The following PCGF3 variants were observed in gnomAD, a reference collection of about 807,000 sequenced individuals.
PCGF3 encodes polycomb group RING finger protein 3.
In PCGF3, 7 loss-of-function variants were observed where a neutral mutation model predicts 33.1. The ratio of observed to expected loss-of-function variants is 0.21; its 90% CI spans 0.12 to 0.40. The LOEUF is 0.40. Ranked by LOEUF, PCGF3 falls within the 10% of genes least tolerant of loss-of-function variation. The pLI is 1.00. For missense variants in PCGF3, 211 were observed against 313.3 expected, an observed-to-expected ratio of 0.67 and a Z score of 2.46; for synonymous variants, 153 against 121.3, an observed-to-expected ratio of 1.26 and a Z score of -1.72.
At chr4:751,740 C>CT (rs771877405) in intron 8 of PCGF3, among the ~76,000 whole-genome samples, 1 of 152,252 alleles carries the variant, frequency 6.6e-6, no homozygotes, top group Non-Finnish European at 1.5e-5. Flanking sequence ...GTGCCTGTGC[C>CT]TGGAGGCTCT....
Position 736,583 on chromosome 4 carries a change from G to A in PCGF3, c.207-883G>A, listed in dbSNP as rs549820801. Among the ~76,000 whole-genome samples the A allele has an allele frequency of 6.5e-4, 74 of 112,984 alleles. 8 individuals are homozygous for A. Among genetic ancestry groups the A allele is most frequent in the Non-Finnish European group, 1.3e-3 (71 of 53,206 alleles). 74.1% of individuals were successfully genotyped at this position (112,984 alleles called of 152,430 possible). ...GGGACGGTGTCCCCTGAGCGCACAG[G>A]ATGCAGGGAACCTGGGGTGTCCGCA... On this transcript the variant is annotated intron_variant, in intron 5 of 10. Coordinates refer to ENST00000362003, the Ensembl canonical transcript of PCGF3.
intron 6 of PCGF3, among the ~76,000 whole-genome samples, chr4:740,429 A>G (rs1408779081): frequency 6.6e-6 from 1 of 152,088 alleles, no homozygotes; most frequent in Admixed American, 6.5e-5. Flanking sequence ...AACATTTATC[A>G]AAGTGTCCAT....
intron 1 of PCGF3, among the ~76,000 whole-genome samples, chr4:716,405 A>C (rs1742840405): frequency 1.6e-5 from 2 of 126,982 alleles, no homozygotes; most frequent in Non-Finnish European, 3.3e-5. Flanking sequence ...CGGTGCTGGG[A>C]CCCTGTAGAC....
chr4:763,510 C>T (rs372460057), intron 9 of PCGF3, among the ~76,000 whole-genome samples: 12 of 152,214 alleles, frequency 7.9e-5, no homozygotes, highest in East Asian at 3.9e-4. Flanking sequence ...ATCAGGGAAA[C>T]GCAAGGAAAA....
In PCGF3 at chr4:721,207, T is replaced by A. The variant is rs1198096344; in HGVS notation, c.-189-9423T>A. Among the ~76,000 whole-genome samples, 1 of 152,106 alleles carries A rather than the reference T, an allele frequency of 6.6e-6. No individual in the cohort carries two copies. The highest frequency in any genetic ancestry group is 1.9e-4 in the East Asian group (1 of 5,186). ...CAGTGCGGGCCCTGATTCTCATGGTTCCCCAGTGAGGCTGTTCCACGGTGG... is the reference window on the plus strand; with the variant it reads ...CAGTGCGGGCCCTGATTCTCATGGTACCCCAGTGAGGCTGTTCCACGGTGG... On this transcript the variant is annotated intron_variant, in intron 1 of 10. Coordinates refer to ENST00000362003, the Ensembl canonical transcript of PCGF3. This position sits in a 1 kb window ranked among gnomAD's most constrained non-coding sequence, Gnocchi z 4.1.
intron 7 of PCGF3, among the ~76,000 whole-genome samples, chr4:744,399 G>GGCCCACAC (rs1744223490): frequency 6.6e-6 from 1 of 152,198 alleles, no homozygotes; most frequent in South Asian, 2.1e-4. Context: ...GCACCCCACA[G>GGCCCACAC]GCCCACACGC....
chr4:734,756 C>G, intron 4 of PCGF3, 175 bp from the exon 5 acceptor site: 1 of 1,397,480 alleles, frequency 7.2e-7, no homozygotes, highest in Non-Finnish European at 9.3e-7. Context: ...TCTCATTGCT[C>G]CTGAGACCAG....
At chr4:755,756 G>A (rs1270618005) in intron 8 of PCGF3, among the ~76,000 whole-genome samples, 2 of 152,032 alleles carry the variant, frequency 1.3e-5, no homozygotes, top group Non-Finnish European at 1.5e-5. Flanking sequence ...GTCCCCCTGG[G>A]CTCTCTGCTC....
intron 7 of PCGF3, 63 bp from the exon 8 acceptor site, chr4:744,537 A>T: frequency 2.5e-6 from 3 of 1,207,646 alleles, no homozygotes; most frequent in Non-Finnish European, 3.6e-6. Context: ...AGTACAGTGT[A>T]GTTTTTTAAA....
chr4:725,823 C>T (rs1451697754), intron 1 of PCGF3, among the ~76,000 whole-genome samples: 2 of 152,152 alleles, frequency 1.3e-5, no homozygotes, highest in Non-Finnish European at 1.5e-5. Flanking sequence ...AGCGCTCGTC[C>T]CCGGGTCCCC....
At chr4:762,928 G>C (rs576910159) in intron 9 of PCGF3, 1 of 152,386 alleles carries the variant, frequency 6.6e-6, no homozygotes, top group Non-Finnish European at 1.5e-5. Flanking sequence ...TGCAGGCCTG[G>C]GGCTGCTCGG....
In PCGF3 at chr4:764,324, T is replaced by G. The variant is rs1213162485; in HGVS notation, c.601-660T>G. Among the ~76,000 whole-genome samples, 6 of 152,238 alleles carry G rather than the reference T, an allele frequency of 3.9e-5. No homozygotes were observed. The East Asian group carries it at 1.2e-3, about 29-fold the overall frequency. On this transcript the variant is annotated intron_variant, in intron 9 of 10. Coordinates refer to ENST00000362003, the Ensembl canonical transcript of PCGF3. The stretch of plus-strand genomic sequence containing the variant: ...TTTTTTAAAAGACTGGGGAGCCTAG[T>G]GCATTTTTGCACTATGGTGAGAGGG...
At chr4:733,569 CAGGG>C in intron 3 of PCGF3, 99 bp from the exon 4 acceptor site, 3 of 1,209,188 alleles carry the variant, frequency 2.5e-6, no homozygotes, top group Non-Finnish European at 3.4e-6. Flanking sequence ...ACCCAGGCCT[CAGGG>C]CCTGCACTGT....
intron 1 of PCGF3, among the ~76,000 whole-genome samples, chr4:711,943 C>T (rs1742588410): frequency 7.2e-6 from 1 of 137,942 alleles, no homozygotes; most frequent in South Asian, 2.5e-4. Flanking sequence ...AAGAGTGAGA[C>T]TCTGTCTGAA....
rs570956152 is a variant in PCGF3, at chr4:740,022, TTAAAAC to T, written c.262+2504_262+2509del. Reference sequence around the variant, plus strand: ...GCTCTTTAGCAGGAGGATTCTAACTTTAAAACTATTAGCAGTGCACCTATTTTCTTG... The same window carrying T: ...GCTCTTTAGCAGGAGGATTCTAACTTTATTAGCAGTGCACCTATTTTCTTG... On this transcript the variant is annotated intron_variant, in intron 6 of 10. Coordinates refer to ENST00000362003, the Ensembl canonical transcript of PCGF3. Among the ~76,000 whole-genome samples, 39 of 152,378 alleles carry T rather than the reference TTAAAAC, an allele frequency of 2.6e-4. No homozygotes were observed. The South Asian group carries it at 8.1e-3, about 32-fold the overall frequency.
intron 5 of PCGF3, among the ~76,000 whole-genome samples, chr4:735,334 G>C (rs1413791610): frequency 6.6e-6 from 1 of 152,166 alleles, no homozygotes; most frequent in Non-Finnish European, 1.5e-5. Context: ...ATCACCTGAG[G>C]TCAGGAGTTT....
chr4:709,451 A>C (rs1465767116), intron 1 of PCGF3, among the ~76,000 whole-genome samples: 1 of 152,106 alleles, frequency 6.6e-6, no homozygotes, highest in African/African-American at 2.4e-5. Flanking sequence ...GCAAGAGTGA[A>C]TGATCCATGA....
intron 9 of PCGF3, among the ~76,000 whole-genome samples, chr4:763,214 G>C (rs1745165648): frequency 6.6e-6 from 1 of 152,204 alleles, no homozygotes; most frequent in South Asian, 2.1e-4. Context: ...TTTCTGTGTA[G>C]CGAAACAGAA....
At chr4:709,528 G>A (rs533208905) in intron 1 of PCGF3, among the ~76,000 whole-genome samples, 1 of 152,196 alleles carries the variant, frequency 6.6e-6, no homozygotes, top group Non-Finnish European at 1.5e-5. Context: ...AGTGAATGAT[G>A]TATGAACAAA....
Sources: gnomAD v4.1 joint callset for allele counts (sites outside exome capture counted in the v4.1 genomes callset) on GRCh38, gnomAD v4.1.1 for gene constraint, Gnocchi (gnomAD v3.1) non-coding constraint, MANE v1.5 for transcripts, NCBI Gene and HGNC (gene_info 2026-07-23, HGNC 2026-07-21) for gene names.